CALB1: variants seen among roughly 807,000 people sequenced by gnomAD.
The protein encoded by CALB1 is calbindin 1, also known as calbindin.
CALB1 carries 16 observed loss-of-function variants against 46.7 expected under a neutral mutation model. The ratio of observed to expected loss-of-function variants is 0.34; its 90% CI spans 0.23 to 0.52. The LOEUF (loss-of-function observed/expected upper bound fraction) is 0.52. Ranked by LOEUF, CALB1 falls within the 20% of genes least tolerant of loss-of-function variation. The pLI, the probability that CALB1 is intolerant of heterozygous loss-of-function variation, is 0.95. For missense variants in CALB1, 224 were observed against 300.3 expected (o/e 0.75, Z 1.88); for synonymous variants, 90 against 112.8 (o/e 0.80, Z 1.28).
chr8:90,074,994 T>C (rs745592816), intron 3 of CALB1, among the ~76,000 whole-genome samples: 4 of 152,206 alleles, frequency 2.6e-5, no homozygotes, highest in Non-Finnish European at 5.9e-5. Flanking sequence ...TCTGAATAAA[T>C]TCGGAACATT....
chr8:90,073,684 G>C (rs1037894770), intron 3 of CALB1, among the ~76,000 whole-genome samples: 2 of 152,184 alleles, frequency 1.3e-5, no homozygotes, highest in African/African-American at 4.8e-5. Context: ...GCGTAATACA[G>C]AGACTTTGCC....
intron 1 of CALB1, 77 bp from the exon 2 acceptor site, chr8:90,082,179 A>C (rs1214236613): frequency 7.6e-7 from 1 of 1,318,880 alleles, no homozygotes; most frequent in African/African-American, 1.5e-5. Flanking sequence ...CAAGACAGTT[A>C]TCTTTCTGGC....
chr8:90,069,028 G>A lies in CALB1; in HGVS notation c.342C>T (p.His114=), dbSNP rs757789261. The A allele has an allele frequency of 2.5e-6, 4 of 1,613,206 alleles. No individual in the cohort carries two copies. Among genetic ancestry groups the A allele is most frequent in the South Asian group, 1.1e-5 (1 of 90,898 alleles). ...MKTWRKYDTD[H]SGFIETEELK... is the part of the protein sequence containing the mutation. Reference sequence around the variant, plus strand: ...GCTCCTCAGTTTCTATGAAGCCACTGTGGTCAGTATCATATTTTCTCCATG... The same window carrying A: ...GCTCCTCAGTTTCTATGAAGCCACTATGGTCAGTATCATATTTTCTCCATG... The change falls in exon 5 of 11, where the codon CAC becomes CAT. Residue 114 remains histidine (H), a synonymous_variant. Coordinates refer to ENST00000265431, the MANE Select transcript of CALB1 (RefSeq NM_004929.4).
chr8:90,067,577 A>G (rs1247336762), intron 5 of CALB1, among the ~76,000 whole-genome samples: 1 of 152,216 alleles, frequency 6.6e-6, no homozygotes, highest in Non-Finnish European at 1.5e-5. Context: ...TACATTTTCA[A>G]GAGGATAAAA....
At chr8:90,064,493 A>G (rs889277516) in intron 6 of CALB1, 2 of 151,808 alleles carry the variant, frequency 1.3e-5, no homozygotes, top group South Asian at 2.1e-4. Context: ...GAACTGGTTT[A>G]TGACATTTAA....
At chr8:90,072,344 G>T (rs966134551) in intron 3 of CALB1, among the ~76,000 whole-genome samples, 3 of 152,094 alleles carry the variant, frequency 2.0e-5, no homozygotes, top group Non-Finnish European at 2.9e-5. Flanking sequence ...CTATAAATGT[G>T]TATTTCTTGC....
At chr8:90,070,032 T>C (rs1249415491) in intron 3 of CALB1, among the ~76,000 whole-genome samples, 1 of 151,852 alleles carries the variant, frequency 6.6e-6, no homozygotes, top group East Asian at 1.9e-4. Flanking sequence ...ACTAATCTAT[T>C]GCGTACAGAG....
At chr8:90,078,111 G>A (rs1814652687) in intron 3 of CALB1, among the ~76,000 whole-genome samples, 1 of 152,044 alleles carries the variant, frequency 6.6e-6, no homozygotes, top group South Asian at 2.1e-4. Flanking sequence ...ATAGCTGTAT[G>A]ACCAGAGGCA....
intron 3 of CALB1, among the ~76,000 whole-genome samples, chr8:90,073,079 G>A (rs1814563255): frequency 6.6e-6 from 1 of 152,110 alleles, no homozygotes; most frequent in Non-Finnish European, 1.5e-5. Flanking sequence ...CTTATTTACT[G>A]TTTTGTGGCC....
In CALB1 at chr8:90,082,851, G is replaced by C. The variant is rs543560374; in HGVS notation, c.-154C>G. 3 of 683,808 alleles carry C rather than the reference G, an allele frequency of 4.4e-6. No homozygotes were observed. Among genetic ancestry groups the C allele is most frequent in the African/African-American group, 3.6e-5 (2 of 56,064 alleles). 42.4% of individuals were successfully genotyped at this position (683,808 alleles called of 1,614,324 possible). On this transcript the variant is annotated 5_prime_UTR_variant, in exon 1 of 11. Transcript: ENST00000265431. ...CGGGCGCTGTCCTCGGTGCTGCTCA[G>C]CTCAGCGTTCCTCCAGAGTTCTCTC...
At chr8:90,061,846 T>TA (rs1161560618) in intron 9 of CALB1, 11 of 151,544 alleles carry the variant, frequency 7.3e-5, no homozygotes, top group South Asian at 2.1e-4. Context: ...TTTATAGAAA[T>TA]AAAAAAACCC....
rs1487914944 is a variant in CALB1 at position 90,065,957 on chromosome 8, G to T, written c.391C>A (p.Leu131Ile). 2 of 1,609,052 alleles carry T rather than the reference G, an allele frequency of 1.2e-6. No homozygotes were observed. Among genetic ancestry groups the T allele is most frequent in the Non-Finnish European group, 8.5e-7 (1 of 1,175,992 alleles). Residue 131 changes from leucine (L) to isoleucine (I), a missense_variant, in exon 6 of 11, where the codon CTA becomes ATA. Transcript: ENST00000265431. ...TCAACAGTCTTGTTTGCTTTTTCTA[G>T]CAGGTCCTTTAGAAAGTTCTGTTAA... Reference protein sequence around the residue: ...EELKNFLKDLLEKANKTVDDT... With the variant: ...EELKNFLKDLIEKANKTVDDT...
chr8:90,063,067 T>C (rs1586177641), intron 9 of CALB1, 33 bp downstream of exon 9: 1 of 1,528,626 alleles, frequency 6.5e-7, no homozygotes, highest in Non-Finnish European at 9.0e-7. Context: ...CTTACTTCAA[T>C]AAAAAAGAAA....
chr8:90,075,648 T>G (rs1254756550), intron 3 of CALB1, among the ~76,000 whole-genome samples: 3 of 152,146 alleles, frequency 2.0e-5, no homozygotes, highest in African/African-American at 7.2e-5. Context: ...AGTTCAGACA[T>G]TTCCTACTCT....
intron 6 of CALB1, 105 bp downstream of exon 6, chr8:90,065,793 C>T (rs1016387065): frequency 1.7e-5 from 12 of 724,606 alleles, no homozygotes; most frequent in Non-Finnish European, 3.0e-5. Flanking sequence ...ATATGATGCC[C>T]ACACCACCGT....
At chr8:90,062,962 G>T in intron 9 of CALB1, 138 bp downstream of exon 9, 1 of 594,752 alleles carries the variant, frequency 1.7e-6, no homozygotes. Context: ...ATATAAGATG[G>T]ATAAATTCTA....
chr8:90,071,876 G>C (rs887490163), intron 3 of CALB1, among the ~76,000 whole-genome samples: 1 of 152,042 alleles, frequency 6.6e-6, no homozygotes, highest in Non-Finnish European at 1.5e-5. Context: ...CAATTTTTGC[G>C]TGACCTTCCT....
chr8:90,075,679 T>C (rs1814611258), intron 3 of CALB1, among the ~76,000 whole-genome samples: 1 of 152,176 alleles, frequency 6.6e-6, no homozygotes, highest in African/African-American at 2.4e-5. Context: ...ATTTTCTACA[T>C]GTAATCTGTA....
intron 5 of CALB1, among the ~76,000 whole-genome samples, chr8:90,067,504 T>C (rs941874719): frequency 2.6e-5 from 4 of 152,182 alleles, no homozygotes; most frequent in Non-Finnish European, 4.4e-5. Context: ...TGTCACCTTG[T>C]GGATTGCTGA....
Sources: gnomAD v4.1 joint callset for allele counts (sites outside exome capture counted in the v4.1 genomes callset) on GRCh38, gnomAD v4.1.1 for gene constraint, MANE v1.5 for transcripts, NCBI Gene and HGNC (gene_info 2026-07-23, HGNC 2026-07-21) for gene names.